The following PLCG2 variants were observed in gnomAD, a reference collection of about 807,000 sequenced individuals.
PLCG2 encodes phospholipase C gamma 2.
A neutral mutation model predicts 175.6 loss-of-function variants in PLCG2; 69 were observed. The observed-to-expected ratio is 0.39, with a 90% CI of 0.32 to 0.48. PLCG2 has a LOEUF of 0.48. Among genes scored for constraint, PLCG2 ranks in the 20% least tolerant of loss-of-function variants. The pLI, the probability that PLCG2 is intolerant of heterozygous loss-of-function variation, is 0.91. For synonymous variants in PLCG2, 827 were observed against 624.0 expected, an observed-to-expected ratio of 1.33 and a Z score of -4.85; for missense variants, 1,798 against 1,650.9, an observed-to-expected ratio of 1.09 and a Z score of -1.54.
chr16:81,771,833 G>T (rs1446982338), intron 2 of PLCG2, among the ~76,000 whole-genome samples: 2 of 152,122 alleles, frequency 1.3e-5, no homozygotes, highest in African/African-American at 4.8e-5. Context: ...GCCCAAGCTG[G>T]AGTGCCAGGG....
chr16:81,944,843 A>G (rs572738658), intron 30 of PLCG2, among the ~76,000 whole-genome samples: 3 of 152,138 alleles, frequency 2.0e-5, no homozygotes, highest in Non-Finnish European at 4.4e-5. Context: ...GTCCTGAACG[A>G]GTCCCCCATA....
intron 2 of PLCG2, among the ~76,000 whole-genome samples, chr16:81,802,107 TTTTTTTTTTTTTTTTTTTTTTTTTG>T (rs1911751929): frequency 1.5e-5 from 1 of 65,894 alleles, no homozygotes; most frequent in African/African-American, 6.1e-5. Flanking sequence ...TTTTTTTTTT[TTTTTTTTTTTTTTTTTTTTTTTTTG>T]AGACGGATCT....
chr16:81,770,212 C>T (rs958125409), intron 2 of PLCG2, among the ~76,000 whole-genome samples: 2 of 152,176 alleles, frequency 1.3e-5, no homozygotes, highest in Non-Finnish European at 2.9e-5. Context: ...CACACCCCAA[C>T]CGAGAAACCA....
At chr16:81,831,512 C>T (rs565333172) in intron 2 of PLCG2, among the ~76,000 whole-genome samples, 7 of 152,316 alleles carry the variant, frequency 4.6e-5, no homozygotes, top group African/African-American at 7.2e-5. Flanking sequence ...CTCAGTTTTA[C>T]ACCTGGGGAC....
Position 81,902,419 on chromosome 16 carries a change from C to T in PLCG2, c.1362+1639C>T, listed in dbSNP as rs140042892. Among the ~76,000 whole-genome samples, 872 of 152,226 alleles carry T rather than the reference C, an allele frequency of 5.7e-3. 12 individuals carry two copies. The highest frequency in any genetic ancestry group is 0.02 in the African/African-American group (815 of 41,538). On this transcript the variant is annotated intron_variant, in intron 14 of 32. Transcript: ENST00000564138. Reference sequence around the variant, plus strand: ...AGTCCTCTTCCAAGTTGTAGGCTGCCGACTTCTAGTTGTGTCCTCACATGG... The same window carrying T: ...AGTCCTCTTCCAAGTTGTAGGCTGCTGACTTCTAGTTGTGTCCTCACATGG...
At chr16:81,924,746 G>A (rs1344924788) in intron 22 of PLCG2, among the ~76,000 whole-genome samples, 1 of 152,254 alleles carries the variant, frequency 6.6e-6, no homozygotes, top group Non-Finnish European at 1.5e-5. Context: ...TACCCATTGA[G>A]CTGGAGTGGG....
At chr16:81,835,231 G>C (rs1905453745) in intron 2 of PLCG2, among the ~76,000 whole-genome samples, 1 of 152,186 alleles carries the variant, frequency 6.6e-6, no homozygotes, top group Non-Finnish European at 1.5e-5. Flanking sequence ...GCACGAAATG[G>C]GATAATTTAG....
chr16:81,878,612 A>T (rs887820775), intron 7 of PLCG2, among the ~76,000 whole-genome samples: 2 of 151,970 alleles, frequency 1.3e-5, no homozygotes, highest in Admixed American at 6.6e-5. Flanking sequence ...TCTTGAGTCT[A>T]TTCCCGTCTT....
chr16:81,856,464 A>T (rs982209295), intron 3 of PLCG2, among the ~76,000 whole-genome samples: 21 of 152,148 alleles, frequency 1.4e-4, no homozygotes, highest in African/African-American at 5.1e-4. Context: ...CAAGGGTAAT[A>T]GCAACCATGG....
At chr16:81,802,001 C>T (rs1911741271) in intron 2 of PLCG2, among the ~76,000 whole-genome samples, 3 of 146,052 alleles carry the variant, frequency 2.1e-5, no homozygotes, top group African/African-American at 5.0e-5. Flanking sequence ...TTTGAAATGG[C>T]TTCCAAAAAA....
At chr16:81,918,513 C>G (rs183464875) in intron 19 of PLCG2, among the ~76,000 whole-genome samples, 3 of 151,940 alleles carry the variant, frequency 2.0e-5, no homozygotes, top group Non-Finnish European at 2.9e-5. Flanking sequence ...CTGTCCTTTC[C>G]CCCTGGTGTG....
At chr16:81,805,012 A>C (rs1911929007) in intron 2 of PLCG2, among the ~76,000 whole-genome samples, 1 of 152,238 alleles carries the variant, frequency 6.6e-6, no homozygotes, top group Non-Finnish European at 1.5e-5. Context: ...ACTCCTAAGT[A>C]CAGTGAGCTT....
intron 31 of PLCG2, among the ~76,000 whole-genome samples, chr16:81,949,508 T>G (rs1449448965): frequency 6.6e-6 from 1 of 152,168 alleles, no homozygotes. Flanking sequence ...TAATTCAGTG[T>G]CCAGCCCCCG....
intron 2 of PLCG2, among the ~76,000 whole-genome samples, chr16:81,834,302 A>C (rs1284386735): frequency 6.6e-6 from 1 of 151,912 alleles, no homozygotes; most frequent in Non-Finnish European, 1.5e-5. Context: ...TCTGCCCTGA[A>C]CTTGACCTCG....
At chr16:81,784,970 G>A (rs959001362) in intron 1 of PLCG2, among the ~76,000 whole-genome samples, 2 of 152,188 alleles carry the variant, frequency 1.3e-5, no homozygotes, top group African/African-American at 2.4e-5. Context: ...ATTTTGAGCA[G>A]AGGAGTGACA....
At chr16:81,924,663 TC>T (rs1461346015) in intron 22 of PLCG2, among the ~76,000 whole-genome samples, 1 of 152,242 alleles carries the variant, frequency 6.6e-6, no homozygotes, top group Non-Finnish European at 1.5e-5. Flanking sequence ...TCAAACTTTT[TC>T]TTAAAATCAG....
chr16:81,851,145 C>T (rs4500722), intron 2 of PLCG2, among the ~76,000 whole-genome samples: 2,404 of 152,260 alleles, frequency 0.016, 64 homozygotes, highest in African/African-American at 0.055. Flanking sequence ...ATAATAGGGC[C>T]ACCCATAATT....
At chr16:81,829,165 G>A (rs1471197496) in intron 2 of PLCG2, among the ~76,000 whole-genome samples, 1 of 152,184 alleles carries the variant, frequency 6.6e-6, no homozygotes, top group African/African-American at 2.4e-5. Flanking sequence ...CTGGAGTGCA[G>A]TGGCACGATC....
rs531847769 is a variant in PLCG2, at chr16:81,944,035, A to C, written c.3482-2140A>C. ...AATGAAGGCATCCACGGAATTCAGT[A>C]AGATGATGAGCATCCAGCCATTAAA... On this transcript the variant is annotated intron_variant, in intron 30 of 32. Coordinates refer to ENST00000564138, the MANE Select transcript of PLCG2 (RefSeq NM_002661.5). 2.2e-4 allele frequency among the ~76,000 whole-genome samples: 34 copies of C among 152,352 alleles called. No homozygotes were observed. The East Asian group carries it at 6.6e-3, about 29-fold the overall frequency.
Sources: allele counts gnomAD v4.1 joint callset (sites outside exome capture counted in the v4.1 genomes callset), GRCh38; gene constraint gnomAD v4.1.1; transcripts MANE v1.5; gene names NCBI Gene and HGNC (gene_info 2026-07-23, HGNC 2026-07-21).